OOSP4B: variants seen among roughly 807,000 people sequenced by gnomAD.
OOSP4B encodes the protein oocyte-secreted protein 4B.
At chr11:60,027,666 A>AAAAAAAAAAAAAAAG (rs1854757902) in intron 3 of OOSP4B, among the ~76,000 whole-genome samples, 1 of 148,372 alleles carries the variant, frequency 6.7e-6, no homozygotes. Context: ...AAAAAAAAAA[A>AAAAAAAAAAAAAAAG]AAAAAAAAAA....
chr11:60,030,013 A>G (rs758174395), intron 4 of OOSP4B, 84 bp downstream of exon 4: 7 of 395,834 alleles, frequency 1.8e-5, no homozygotes, highest in East Asian at 3.6e-5. Context: ...GTAAATTCCT[A>G]TTTGAATGCT....
intron 3 of OOSP4B, among the ~76,000 whole-genome samples, chr11:60,025,241 A>G (rs1033827734): frequency 3.9e-5 from 6 of 152,160 alleles, no homozygotes; most frequent in African/African-American, 1.2e-4. Flanking sequence ...CCATCTATCA[A>G]TTTTGATGCA....
At chr11:60,018,989 G>A (rs1854654832) in intron 1 of OOSP4B, among the ~76,000 whole-genome samples, 3 of 152,066 alleles carry the variant, frequency 2.0e-5, no homozygotes, top group Admixed American at 1.3e-4. Context: ...AGCCGAGGCA[G>A]GCAGATCACA....
Position 60,023,873 on chromosome 11 carries a change from C to G in OOSP4B, c.23-7C>G, listed in dbSNP as rs1854719395. ...CCATATTACTTTTTGGATTTTTTTT[C>G]TTTTAGCAATAACTGCAATGTGCTC... On this transcript the variant is annotated splice_polypyrimidine_tract_variant and splice_region_variant and intron_variant, in intron 1 of 4. Transcript: ENST00000642343. 1 of 398,324 alleles carries G rather than the reference C, an allele frequency of 2.5e-6. No homozygotes were observed. Among genetic ancestry groups the G allele is most frequent in the African/African-American group, 2.1e-5 (1 of 48,688 alleles). 24.7% of individuals were successfully genotyped at this position (398,324 alleles called of 1,614,324 possible). A position where few individuals can be genotyped will look rare whatever the true frequency, so the allele number is the denominator to read the frequency against.
chr11:60,024,010 A>G, exon 2 of OOSP4B: 1 of 398,586 alleles, frequency 2.5e-6, no homozygotes, highest in Non-Finnish European at 4.4e-6. Context: ...GACTGTTGTC[A>G]TTTAACTACG....
chr11:60,021,720 G>T (rs1442492659), intron 1 of OOSP4B: 1 of 152,302 alleles, frequency 6.6e-6, no homozygotes. Context: ...CATGGCTCAC[G>T]CCTGTAATCC....
chr11:60,019,284 C>T (rs548806378), intron 1 of OOSP4B, among the ~76,000 whole-genome samples: 2 of 152,248 alleles, frequency 1.3e-5, no homozygotes, highest in East Asian at 1.9e-4. Flanking sequence ...GAGGCCTAGG[C>T]AAGAAGATCG....
intron 4 of OOSP4B, among the ~76,000 whole-genome samples, chr11:60,030,596 A>T (rs1854797277): frequency 6.6e-6 from 1 of 152,222 alleles, no homozygotes; most frequent in Non-Finnish European, 1.5e-5. Flanking sequence ...CAACACATAG[A>T]TGCTAATCAC....
intron 3 of OOSP4B, 146 bp from the exon 4 acceptor site, chr11:60,029,636 G>T (rs958281821): frequency 5.1e-6 from 2 of 393,588 alleles, no homozygotes; most frequent in Non-Finnish European, 9.0e-6. Flanking sequence ...TCTTTATTTA[G>T]ATTTACTGAG....
rs1421660851 is a variant in OOSP4B, at chr11:60,024,012, TTAAC to T, written c.158_161del (p.Asn53ThrfsTer46). 2 of 398,480 alleles carry T rather than the reference TTAAC, an allele frequency of 5.0e-6. No homozygotes were observed. Among genetic ancestry groups the T allele is most frequent in the Non-Finnish European group, 8.8e-6 (2 of 226,068 alleles). The allele number at this position is 398,480 out of a possible 1,614,324, so 24.7% of individuals were successfully genotyped here. ...TGTCCTGTAACAAGACTGTTGTCAT[TTAAC>T]TACGCGTTTTCTTATCCTGTCACTT... On this transcript the variant is annotated frameshift_variant, in exon 2 of 5. Coordinates refer to ENST00000642343, the Ensembl canonical transcript of OOSP4B. LOFTEE classifies it high-confidence loss of function.
intron 1 of OOSP4B, chr11:60,022,364 G>A (rs528408883): frequency 2.0e-5 from 3 of 152,240 alleles, no homozygotes; most frequent in East Asian, 1.9e-4. Context: ...CTTCACTTCT[G>A]CAGCTGTCAT....
chr11:60,022,800 T>C (rs1464003398), intron 1 of OOSP4B, among the ~76,000 whole-genome samples: 2 of 152,150 alleles, frequency 1.3e-5, no homozygotes, highest in Non-Finnish European at 2.9e-5. Flanking sequence ...GAAATGTCAC[T>C]GTGTGCCTGA....
At chr11:60,025,986 T>G (rs1037625110) in intron 3 of OOSP4B, among the ~76,000 whole-genome samples, 2 of 152,192 alleles carry the variant, frequency 1.3e-5, no homozygotes, top group Non-Finnish European at 2.9e-5. Context: ...TTGGCCATTT[T>G]TATGTCTCTT....
rs1854720548 is a variant in OOSP4B at position 60,024,002 on chromosome 11, CTG to C, written c.147_148del (p.Leu50ValfsTer3). 2 of 398,434 alleles carry C rather than the reference CTG, an allele frequency of 5.0e-6. No homozygotes were observed. The highest frequency in any genetic ancestry group is 8.8e-6 in the Non-Finnish European group (2 of 226,058). 24.7% of individuals were successfully genotyped at this position (398,434 alleles called of 1,614,324 possible). ...GAGAGATAACTGTCCTGTAACAAGA[CTG>C]TTGTCATTTAACTACGCGTTTTCTT... On this transcript the variant is annotated frameshift_variant, in exon 2 of 5. Transcript: ENST00000642343. LOFTEE classifies it high-confidence loss of function.
At chr11:60,017,573 T>G (rs1239493341) in intron 1 of OOSP4B, among the ~76,000 whole-genome samples, 160 bp downstream of exon 1, 1 of 152,158 alleles carries the variant, frequency 6.6e-6, no homozygotes, top group Non-Finnish European at 1.5e-5. Flanking sequence ...CCCCTGATTA[T>G]AAACCAACAG....
chr11:60,025,717 T>G (rs765549651), intron 3 of OOSP4B, among the ~76,000 whole-genome samples: 46 of 152,348 alleles, frequency 3.0e-4, no homozygotes, highest in Non-Finnish European at 2.8e-4. Context: ...TATCACCATA[T>G]GTTTGCATAT....
At chr11:60,022,062 TAATGTGACAATA>T (rs1468798016) in intron 1 of OOSP4B, 1 of 119,426 alleles carries the variant, frequency 8.4e-6, no homozygotes, top group Non-Finnish European at 1.6e-5. Context: ...ACTTCTTATT[TAATGTGACAATA>T]AATGTGGGAA....
Position 60,019,046 on chromosome 11 carries a change from G to A in OOSP4B, c.22+1633G>A, listed in dbSNP as rs148488446. ...AGCCTGACCAATATGGCGAAACCCCGTCTCTACTAAACAAAAAAATACAAA... is the reference window on the plus strand; with the variant it reads ...AGCCTGACCAATATGGCGAAACCCCATCTCTACTAAACAAAAAAATACAAA... On this transcript the variant is annotated intron_variant, in intron 1 of 4. Transcript: ENST00000642343. 4.9e-4 allele frequency among the ~76,000 whole-genome samples: 74 copies of A among 151,954 alleles called. No individual in the cohort carries two copies. The East Asian group carries it at 0.013, about 26-fold the overall frequency.
At chr11:60,028,975 C>T (rs981091959) in intron 3 of OOSP4B, among the ~76,000 whole-genome samples, 3 of 98,126 alleles carry the variant, frequency 3.1e-5, no homozygotes, top group African/African-American at 1.2e-4. Context: ...TCTATATAGG[C>T]ATCCACTGAG....
Sources: allele counts gnomAD v4.1 joint callset (sites outside exome capture counted in the v4.1 genomes callset), GRCh38; gene constraint gnomAD v4.1.1; transcripts MANE v1.5; gene names NCBI Gene and HGNC (gene_info 2026-07-23, HGNC 2026-07-21).